The following ESRRG variants were observed in gnomAD, a reference collection of about 807,000 sequenced individuals.
The protein encoded by ESRRG is estrogen related receptor gamma.
In ESRRG, 13 loss-of-function variants were observed where a neutral mutation model predicts 44.0. The ratio of observed to expected loss-of-function variants is 0.30; its 90% CI spans 0.19 to 0.47. The LOEUF is 0.47. Among genes scored for constraint, ESRRG ranks in the 20% least tolerant of loss-of-function variants. ESRRG has a pLI of 1.00. For synonymous variants in ESRRG, 215 were observed against 214.6 expected, an observed-to-expected ratio of 1.00 and a Z score of -0.02; for missense variants, 395 against 580.6, an observed-to-expected ratio of 0.68 and a Z score of 3.29.
intron 1 of ESRRG, among the ~76,000 whole-genome samples, chr1:216,702,515 C>A (rs1312878901): frequency 6.6e-6 from 1 of 151,362 alleles, no homozygotes; most frequent in Non-Finnish European, 1.5e-5. Context: ...GTAATCCCTG[C>A]ACTTTGGGAG....
chr1:216,801,038 T>G (rs916225943), intron 2 of ESRRG, among the ~76,000 whole-genome samples: 2 of 152,178 alleles, frequency 1.3e-5, no homozygotes, highest in Non-Finnish European at 2.9e-5. Context: ...GATATACATA[T>G]AGTGAAATGG....
chr1:216,624,435 G>T (rs1407779235), intron 3 of ESRRG, among the ~76,000 whole-genome samples: 1 of 152,112 alleles, frequency 6.6e-6, no homozygotes, highest in African/African-American at 2.4e-5. Flanking sequence ...ATGACCCTCA[G>T]GTCCAAGTGC....
chr1:216,663,850 T>C (rs1359841229), intron 2 of ESRRG, among the ~76,000 whole-genome samples: 3 of 152,102 alleles, frequency 2.0e-5, no homozygotes, highest in Admixed American at 6.6e-5. Flanking sequence ...TAGGATCAGT[T>C]TAAGACTAAC....
intron 1 of ESRRG, among the ~76,000 whole-genome samples, chr1:216,991,988 T>G (rs1160185224): frequency 1.3e-5 from 2 of 152,192 alleles, no homozygotes; most frequent in Non-Finnish European, 2.9e-5. Flanking sequence ...CCCTAACCTT[T>G]ACCAGACAGT....
At chr1:216,762,485 C>T (rs1044285033) in intron 2 of ESRRG, among the ~76,000 whole-genome samples, 4 of 148,268 alleles carry the variant, frequency 2.7e-5, no homozygotes, top group African/African-American at 7.5e-5. Flanking sequence ...TATTCTCACT[C>T]ATAGGTGGGA....
intron 1 of ESRRG, among the ~76,000 whole-genome samples, chr1:216,721,824 C>A (rs1456373800): frequency 6.6e-6 from 1 of 152,180 alleles, no homozygotes; most frequent in Non-Finnish European, 1.5e-5. Flanking sequence ...AGCGGGCAGT[C>A]TTACCTTTGT....
rs140644756 is a variant in ESRRG at position 216,507,023 on chromosome 1, G to A, written c.1293C>T (p.Ala431=). 9.9e-6 allele frequency: 16 copies of A among 1,613,968 alleles called. No homozygotes were observed. Among genetic ancestry groups the A allele is most frequent in the African/African-American group, 6.7e-5 (5 of 74,902 alleles). Residue 431 remains alanine, a synonymous_variant, in exon 7 of 7, where the codon GCC becomes GCT. Transcript: ENST00000408911. ...LPLLRQTSTK[A]VQHFYNIKLE... ...GTTTGATGTTGTAGAAATGCTGCAC[G>A]GCCTTGGTAGAGGTCTGCCTCAGGA... is the stretch of plus-strand genomic sequence containing the variant.
intron 1 of ESRRG, among the ~76,000 whole-genome samples, chr1:217,042,479 C>G (rs10528304): frequency 3.6e-5 from 2 of 55,358 alleles, no homozygotes; most frequent in African/African-American, 1.5e-4. Flanking sequence ...CACAAACACA[C>G]ACACACACAC....
chr1:216,604,504 TTCTC>T (rs1443738373), intron 3 of ESRRG, among the ~76,000 whole-genome samples: 1 of 152,164 alleles, frequency 6.6e-6, no homozygotes, highest in Non-Finnish European at 1.5e-5. Context: ...ATACAATTCT[TTCTC>T]TCTCCTAGTG....
chr1:216,872,186 A>G (rs1213199526), intron 2 of ESRRG, among the ~76,000 whole-genome samples: 1 of 152,126 alleles, frequency 6.6e-6, no homozygotes. Flanking sequence ...TTGTTCCTCT[A>G]TAGGAAATGC....
chr1:216,720,384 A>C (rs543456411), intron 1 of ESRRG, among the ~76,000 whole-genome samples: 7 of 152,230 alleles, frequency 4.6e-5, no homozygotes, highest in Admixed American at 2.0e-4. Context: ...AGGGAAAAAA[A>C]ATAAAAAACA....
intron 2 of ESRRG, among the ~76,000 whole-genome samples, chr1:216,795,116 A>C (rs2094437718): frequency 6.6e-6 from 1 of 152,166 alleles, no homozygotes; most frequent in Non-Finnish European, 1.5e-5. Context: ...TGATTCTTGC[A>C]TCACTTGACA....
intron 2 of ESRRG, among the ~76,000 whole-genome samples, chr1:216,795,948 G>A (rs1266667299): frequency 6.6e-6 from 1 of 152,090 alleles, no homozygotes; most frequent in Non-Finnish European, 1.5e-5. Context: ...ATATCAACAA[G>A]AAGCAGGACT....
chr1:216,822,000 G>T (rs1056299872), intron 2 of ESRRG, among the ~76,000 whole-genome samples: 3 of 151,978 alleles, frequency 2.0e-5, no homozygotes, highest in Admixed American at 2.0e-4. Flanking sequence ...CCAAGCAGAA[G>T]GGGGGTTAGA....
Position 216,665,853 on chromosome 1 carries a change from G to A in ESRRG, c.472+11223C>T, listed in dbSNP as rs181494207. On this transcript the variant is annotated intron_variant, in intron 2 of 6. Coordinates refer to ENST00000408911, the MANE Select transcript of ESRRG (RefSeq NM_001438.4). Reference sequence around the variant, plus strand: ...ATAAATCAGCTCCAATGACTAGGCCGTCACATCACTGAAGTCTCATTATCA... The same window carrying A: ...ATAAATCAGCTCCAATGACTAGGCCATCACATCACTGAAGTCTCATTATCA... Among the ~76,000 whole-genome samples the A allele has an allele frequency of 1.3e-3, 192 of 152,228 alleles. 2 individuals carry two copies. The highest frequency in any genetic ancestry group is 3.2e-3 in the African/African-American group (133 of 41,538).
chr1:216,508,739 G>A (rs1337015597), intron 6 of ESRRG, among the ~76,000 whole-genome samples: 1 of 152,150 alleles, frequency 6.6e-6, no homozygotes, highest in Non-Finnish European at 1.5e-5. Flanking sequence ...AGAGATGATG[G>A]CAACATGATC....
At chr1:216,651,407 T>C (rs1278996259) in intron 2 of ESRRG, among the ~76,000 whole-genome samples, 1 of 152,160 alleles carries the variant, frequency 6.6e-6, no homozygotes, top group Non-Finnish European at 1.5e-5. Context: ...AATTTCAAAA[T>C]AGATTATGTT....
At chr1:217,106,169 G>C (rs2092593018) in intron 1 of ESRRG, among the ~76,000 whole-genome samples, 6 of 152,190 alleles carry the variant, frequency 3.9e-5, no homozygotes. Flanking sequence ...TAGTCTCTAA[G>C]TGATAGATTT....
chr1:216,614,077 T>A (rs1039533112), intron 3 of ESRRG, among the ~76,000 whole-genome samples: 5 of 152,196 alleles, frequency 3.3e-5, no homozygotes, highest in African/African-American at 1.2e-4. Flanking sequence ...ATTTTGCAGA[T>A]CAAAGAGAGA....
Sources: allele counts gnomAD v4.1 joint callset (sites outside exome capture counted in the v4.1 genomes callset), GRCh38; gene constraint gnomAD v4.1.1; transcripts MANE v1.5; gene names NCBI Gene and HGNC (gene_info 2026-07-23, HGNC 2026-07-21).